TMEM132D: variants seen among roughly 807,000 people sequenced by gnomAD.
The protein encoded by TMEM132D is transmembrane protein 132D.
A neutral mutation model predicts 62.3 loss-of-function variants in TMEM132D; 21 were observed. The observed-to-expected ratio is 0.34, with a 90% confidence interval of 0.24 to 0.49. TMEM132D has a LOEUF of 0.49. Among genes scored for constraint, TMEM132D ranks in the 20% least tolerant of loss-of-function variants. The probability of loss-of-function intolerance (pLI) is 0.99; values close to 1 mark genes in which losing one functional copy is unlikely to be tolerated. For synonymous variants in TMEM132D, 621 were observed against 575.6 expected, an observed-to-expected ratio of 1.08 and a Z score of -1.13; for missense variants, 1,346 against 1,402.8, an observed-to-expected ratio of 0.96 and a Z score of 0.65.
At chr12:129,299,239 G>A (rs1202277208) in intron 4 of TMEM132D, among the ~76,000 whole-genome samples, 1 of 152,130 alleles carries the variant, frequency 6.6e-6, no homozygotes, top group Non-Finnish European at 1.5e-5. Flanking sequence ...TGGAGGTGCT[G>A]GGGTCAGCCT....
At chr12:129,223,027 G>A (rs1455186431) in intron 4 of TMEM132D, among the ~76,000 whole-genome samples, 1 of 152,030 alleles carries the variant, frequency 6.6e-6, no homozygotes, top group Non-Finnish European at 1.5e-5. Context: ...CATACACAAT[G>A]TTTATTTGCC....
intron 5 of TMEM132D, among the ~76,000 whole-genome samples, chr12:129,092,910 G>C (rs894256512): frequency 2.6e-5 from 4 of 152,160 alleles, no homozygotes; most frequent in African/African-American, 9.7e-5. Context: ...GCCACACTGG[G>C]CTAATCAGAG....
chr12:129,269,210 T>C (rs1047377836), intron 4 of TMEM132D, among the ~76,000 whole-genome samples: 4 of 152,222 alleles, frequency 2.6e-5, no homozygotes, highest in African/African-American at 9.6e-5. Context: ...TTCTGATCTC[T>C]GTGTCACTGT....
chr12:129,427,990 G>A (rs1872546287), intron 3 of TMEM132D, among the ~76,000 whole-genome samples: 1 of 151,932 alleles, frequency 6.6e-6, no homozygotes, highest in Admixed American at 6.6e-5. Context: ...ATTTCTCCAT[G>A]GGAAATTTAC....
At chr12:129,404,861 G>T (rs983429449) in intron 3 of TMEM132D, among the ~76,000 whole-genome samples, 1 of 152,068 alleles carries the variant, frequency 6.6e-6, no homozygotes, top group Non-Finnish European at 1.5e-5. Flanking sequence ...TCAACATGAG[G>T]TTTGCAGGGA....
intron 4 of TMEM132D, among the ~76,000 whole-genome samples, chr12:129,287,348 G>A (rs992059717): frequency 2.0e-5 from 3 of 152,066 alleles, no homozygotes; most frequent in East Asian, 3.9e-4. Flanking sequence ...AAACAGGAAG[G>A]GAATGATGGT....
intron 3 of TMEM132D, among the ~76,000 whole-genome samples, chr12:129,513,897 G>C (rs771993727): frequency 8.0e-5 from 12 of 149,608 alleles, no homozygotes; most frequent in Non-Finnish European, 1.6e-4. Flanking sequence ...GAGTGCAGTG[G>C]CACGATCTCG....
At chr12:129,291,503 C>T (rs2135619553) in intron 4 of TMEM132D, among the ~76,000 whole-genome samples, 1 of 152,280 alleles carries the variant, frequency 6.6e-6, no homozygotes, top group South Asian at 2.1e-4. Flanking sequence ...GAGACCGAGT[C>T]CTCCATCTCT....
intron 1 of TMEM132D, among the ~76,000 whole-genome samples, chr12:129,800,563 A>G (rs1037075393): frequency 6.6e-6 from 1 of 152,150 alleles, no homozygotes; most frequent in Non-Finnish European, 1.5e-5. Flanking sequence ...GAGGCCATAG[A>G]ATCCTATAAT....
intron 3 of TMEM132D, among the ~76,000 whole-genome samples, chr12:129,395,469 T>C (rs1252031115): frequency 6.6e-6 from 1 of 152,176 alleles, no homozygotes; most frequent in East Asian, 1.9e-4. Context: ...AGGTTATGAA[T>C]ATTTTTGTAA....
At chr12:129,471,349 A>G (rs534910352) in intron 3 of TMEM132D, among the ~76,000 whole-genome samples, 1 of 151,830 alleles carries the variant, frequency 6.6e-6, no homozygotes, top group East Asian at 1.9e-4. Flanking sequence ...TTAAGTTATT[A>G]TTATTACAGT....
chr12:129,306,610 A>G (rs1316844166), intron 4 of TMEM132D, among the ~76,000 whole-genome samples: 1 of 152,204 alleles, frequency 6.6e-6, no homozygotes, highest in East Asian at 1.9e-4. Context: ...GCAACACAAT[A>G]TTTTAATTCC....
intron 5 of TMEM132D, among the ~76,000 whole-genome samples, chr12:129,178,435 T>C (rs1241390661): frequency 1.6e-5 from 1 of 62,742 alleles, no homozygotes; most frequent in Non-Finnish European, 3.5e-5. Context: ...CAGCATCTGT[T>C]TTTTTTTTTT....
intron 5 of TMEM132D, among the ~76,000 whole-genome samples, chr12:129,169,914 T>A (rs1208167439): frequency 6.6e-6 from 1 of 152,254 alleles, no homozygotes; most frequent in Non-Finnish European, 1.5e-5. Flanking sequence ...AATCCCAGTT[T>A]TGATATGTTA....
intron 5 of TMEM132D, chr12:129,113,154 C>T (rs1427767012): frequency 2.6e-5 from 4 of 152,188 alleles, no homozygotes; most frequent in Admixed American, 6.5e-5. Flanking sequence ...ATCGAGAAAA[C>T]AGAACCCTCA....
chr12:129,078,355 C>T (rs1874345468), intron 8 of TMEM132D, among the ~76,000 whole-genome samples, 179 bp downstream of exon 8: 2 of 152,150 alleles, frequency 1.3e-5, no homozygotes, highest in African/African-American at 4.8e-5. Flanking sequence ...CATGGGGGAG[C>T]TGGGAAACAT....
At chr12:129,388,042 T>C (rs370980411) in intron 3 of TMEM132D, among the ~76,000 whole-genome samples, 1 of 108,334 alleles carries the variant, frequency 9.2e-6, no homozygotes, top group East Asian at 2.8e-4. Flanking sequence ...CCAGCACTGA[T>C]AATAATATGA....
chr12:129,517,269 T>C (rs1177980953), intron 3 of TMEM132D, among the ~76,000 whole-genome samples: 1 of 152,182 alleles, frequency 6.6e-6, no homozygotes, highest in African/African-American at 2.4e-5. Context: ...TTTTTTTTAC[T>C]TACCCTTAGC....
At chr12:129,308,465 G>A (rs1881894669) in intron 4 of TMEM132D, among the ~76,000 whole-genome samples, 1 of 152,024 alleles carries the variant, frequency 6.6e-6, no homozygotes, top group Admixed American at 6.6e-5. Context: ...CCATGAAAGG[G>A]CAATTCATTA....
Sources: gnomAD v4.1 joint callset for allele counts (sites outside exome capture counted in the v4.1 genomes callset) on GRCh38, gnomAD v4.1.1 for gene constraint, MANE v1.5 for transcripts, NCBI Gene and HGNC (gene_info 2026-07-23, HGNC 2026-07-21) for gene names.